The following STK24 variants were observed in gnomAD, a reference collection of about 807,000 sequenced individuals.
STK24 encodes the protein serine/threonine-protein kinase 24.
Under a neutral mutation model 55.6 loss-of-function variants are expected in STK24, and 21 were observed. That is an observed-to-expected ratio of 0.38 (90% CI 0.27 to 0.54). STK24 has a LOEUF of 0.54. Among genes scored for constraint, STK24 ranks in the 20% least tolerant of loss-of-function variants. The pLI is 0.79. For missense variants in STK24, 383 were observed against 538.4 expected (o/e 0.71, Z 2.86); for synonymous variants, 200 against 215.2 (o/e 0.93, Z 0.62).
At position 98,565,362 on chromosome 13, in the gene STK24, T is replaced by C. The variant is rs952486509; in HGVS notation, c.42+11383A>G. 3.3e-5 allele frequency among the ~76,000 whole-genome samples: 5 copies of C among 152,160 alleles called. No homozygotes were observed. In the East Asian group the frequency reaches 5.8e-4, roughly 18 times the overall value. On this transcript the variant is annotated intron_variant, in intron 1 of 10. Transcript: ENST00000539966. ...CTATTAGAGGGCTGGGCGCGGTGGC[T>C]CACACCTGTAACCCCAGCACTCTGG...
chr13:98,516,983 T>G (rs1418580438), intron 2 of STK24, among the ~76,000 whole-genome samples: 1 of 152,220 alleles, frequency 6.6e-6, no homozygotes, highest in African/African-American at 2.4e-5. Context: ...CATGCAGATA[T>G]GTACTGTGGC....
At position 98,517,413 on chromosome 13, in the gene STK24, G is replaced by A. The variant is rs564186359; in HGVS notation, c.273+1830C>T. On this transcript the variant is annotated intron_variant, in intron 2 of 10. Transcript: ENST00000539966. ...GGCTGAGGCAGGTGGATCACCTGAG[G>A]TCAGAAGTTCGAGACCAGCCTGGAC... is the stretch of plus-strand genomic sequence containing the variant. Among the ~76,000 whole-genome samples the A allele has an allele frequency of 1.1e-4, 16 of 152,260 alleles. No individual in the cohort carries two copies. In the South Asian group the frequency reaches 2.7e-3, roughly 26 times the overall value.
At chr13:98,527,902 C>T (rs1162717299) in intron 1 of STK24, among the ~76,000 whole-genome samples, 5 of 152,192 alleles carry the variant, frequency 3.3e-5, no homozygotes, top group African/African-American at 1.2e-4. Flanking sequence ...ACTGCAGCCC[C>T]AGTTCATGCT....
intron 1 of STK24, among the ~76,000 whole-genome samples, chr13:98,537,874 CAA>C (rs1036031694): frequency 3.3e-5 from 5 of 152,060 alleles, no homozygotes; most frequent in Non-Finnish European, 7.4e-5. Context: ...ATGGGGATAA[CAA>C]GAGTACCCAC....
chr13:98,569,226 C>T (rs1215107914), intron 1 of STK24, among the ~76,000 whole-genome samples: 1 of 152,022 alleles, frequency 6.6e-6, no homozygotes, highest in Non-Finnish European at 1.5e-5. Context: ...TGGAGAAACA[C>T]CTTTAAAATT....
intron 10 of STK24, chr13:98,453,729 A>G (rs1893314757): frequency 6.5e-6 from 1 of 153,392 alleles, no homozygotes. Context: ...ATTTGGAAAC[A>G]ACTCTGATGC....
chr13:98,573,432 G>A (rs1897792899), intron 1 of STK24, among the ~76,000 whole-genome samples: 1 of 152,100 alleles, frequency 6.6e-6, no homozygotes, highest in African/African-American at 2.4e-5. Flanking sequence ...ATTTCTTTAT[G>A]TTTATTCGTC....
Position 98,448,332 on chromosome 13 carries a change from C to G in STK24, c.*4841G>C, listed in dbSNP as rs190512050. The G allele has an allele frequency of 1.1e-5, 17 of 1,589,788 alleles. No individual in the cohort carries two copies. Among genetic ancestry groups the G allele is most frequent in the Admixed American group, 1.7e-5 (1 of 59,970 alleles). ...TTGTGTATTGATGGCCGGACACACTCGTTTCCGCAGTGGCTGCTTTCCTGG... is the reference window on the plus strand; with the variant it reads ...TTGTGTATTGATGGCCGGACACACTGGTTTCCGCAGTGGCTGCTTTCCTGG... On this transcript the variant is annotated 3_prime_UTR_variant, in exon 11 of 11. Transcript: ENST00000539966.
At chr13:98,456,624 G>C (rs1893470181) in intron 10 of STK24, 2 of 464,322 alleles carry the variant, frequency 4.3e-6, no homozygotes, top group Admixed American at 4.7e-5. Context: ...CTCACCCATA[G>C]TGCATTCAAC....
chr13:98,499,327 G>A (rs769499163), intron 2 of STK24, among the ~76,000 whole-genome samples: 1 of 152,196 alleles, frequency 6.6e-6, no homozygotes, highest in African/African-American at 2.4e-5. Flanking sequence ...ACGCACGGCA[G>A]AGGGAATCCC....
chr13:98,573,647 A>T lies in STK24; in HGVS notation c.42+3098T>A, dbSNP rs1897798872. On this transcript the variant is annotated intron_variant, in intron 1 of 10. Transcript: ENST00000539966. ...ATAAGGGTTGCTGATTGAATAAATT[A>T]AAAAATCAGCCTCCTATTTCTAATT... 2.6e-5 allele frequency among the ~76,000 whole-genome samples: 4 copies of T among 152,360 alleles called. No individual in the cohort carries two copies. The South Asian group carries it at 8.3e-4, about 32-fold the overall frequency.
At chr13:98,460,215 G>A (rs1273600474) in intron 9 of STK24, among the ~76,000 whole-genome samples, 157 bp downstream of exon 9, 1 of 9,522 alleles carries the variant, frequency 1.1e-4, no homozygotes, top group African/African-American at 1.7e-4. Context: ...GCAAGGTGGT[G>A]CTGACAGCCT....
At chr13:98,542,467 C>G (rs529217266) in intron 1 of STK24, among the ~76,000 whole-genome samples, 1 of 152,286 alleles carries the variant, frequency 6.6e-6, no homozygotes, top group South Asian at 2.1e-4. Flanking sequence ...GTAACCAGAA[C>G]AGGGCCAGCC....
At chr13:98,565,921 G>C (rs963887853) in intron 1 of STK24, among the ~76,000 whole-genome samples, 2 of 152,254 alleles carry the variant, frequency 1.3e-5, no homozygotes, top group African/African-American at 2.4e-5. Flanking sequence ...ATCAGGAGGA[G>C]TGCACAGACA....
intron 2 of STK24, among the ~76,000 whole-genome samples, chr13:98,503,959 C>A (rs565779703): frequency 3.9e-5 from 6 of 152,280 alleles, no homozygotes; most frequent in African/African-American, 1.4e-4. Flanking sequence ...CCTCCACCTC[C>A]TACACCTGCG....
At chr13:98,562,901 G>A in intron 1 of STK24, among the ~76,000 whole-genome samples, 1 of 140,062 alleles carries the variant, frequency 7.1e-6, no homozygotes, top group East Asian at 2.1e-4. Context: ...GGGCAACAGA[G>A]TGAGACTCCC....
At chr13:98,471,675 G>A (rs2139279195) in intron 5 of STK24, among the ~76,000 whole-genome samples, 1 of 152,276 alleles carries the variant, frequency 6.6e-6, no homozygotes, top group South Asian at 2.1e-4. Flanking sequence ...CAAGATAAGG[G>A]GGCACAGCTA....
intron 3 of STK24, among the ~76,000 whole-genome samples, chr13:98,477,549 C>T (rs1462754713): frequency 6.6e-6 from 1 of 151,962 alleles, no homozygotes; most frequent in Admixed American, 6.6e-5. Context: ...ATGGCACATG[C>T]TTGTAATCCC....
At position 98,526,318 on chromosome 13, in the gene STK24, T is replaced by C. The variant is rs560047816; in HGVS notation, c.43-6845A>G. ...TTCCCCCTGCAGTGCACACAGCGTG[T>C]AGCCAGCCTAATAGGAGTGGATTTA... On this transcript the variant is annotated intron_variant, in intron 1 of 10. Coordinates refer to ENST00000539966, the MANE Select transcript of STK24 (RefSeq NM_001032296.4). 2.6e-5 allele frequency among the ~76,000 whole-genome samples: 4 copies of C among 152,322 alleles called. No homozygotes were observed. The East Asian group carries it at 7.7e-4, about 29-fold the overall frequency.
Sources: gnomAD v4.1 joint callset for allele counts (sites outside exome capture counted in the v4.1 genomes callset) on GRCh38, gnomAD v4.1.1 for gene constraint, MANE v1.5 for transcripts, NCBI Gene and HGNC (gene_info 2026-07-23, HGNC 2026-07-21) for gene names.